CAMK1D: variants seen among roughly 807,000 people sequenced by gnomAD.
The protein encoded by CAMK1D is calcium/calmodulin-dependent protein kinase type 1D.
CAMK1D carries 9 observed loss-of-function variants against 47.7 expected under a neutral mutation model. That is an observed-to-expected ratio of 0.19 (90% CI 0.11 to 0.33). The LOEUF (loss-of-function observed/expected upper bound fraction) is 0.33. Ranked by LOEUF, CAMK1D falls within the 10% of genes least tolerant of loss-of-function variation. The pLI, the probability that CAMK1D is intolerant of heterozygous loss-of-function variation, is 1.00. For missense variants in CAMK1D, 291 were observed against 488.7 expected (o/e 0.60, Z 3.81); for synonymous variants, 184 against 184.9 (o/e 0.99, Z 0.04).
intron 3 of CAMK1D, among the ~76,000 whole-genome samples, chr10:12,694,075 AATATTATGTATAATATATAT>A (rs1833072631): frequency 3.2e-5 from 1 of 31,126 alleles, no homozygotes; most frequent in Non-Finnish European, 5.5e-5. Context: ...ATATATAAAA[AATATTATGTATAATATATAT>A]TATATAATAT....
intron 2 of CAMK1D, among the ~76,000 whole-genome samples, chr10:12,567,131 T>C (rs1168937628): frequency 2.0e-5 from 3 of 152,174 alleles, no homozygotes; most frequent in African/African-American, 7.2e-5. Context: ...TTCTCGGAAG[T>C]GCAGTGGGAA....
chr10:12,593,187 G>A (rs1838046008), intron 2 of CAMK1D, among the ~76,000 whole-genome samples: 1 of 152,180 alleles, frequency 6.6e-6, no homozygotes, highest in Non-Finnish European at 1.5e-5. Flanking sequence ...ACAAAAACAG[G>A]TGGTGGGCCA....
intron 1 of CAMK1D, among the ~76,000 whole-genome samples, chr10:12,430,190 A>G (rs1401244684): frequency 6.6e-6 from 1 of 152,018 alleles, no homozygotes; most frequent in Non-Finnish European, 1.5e-5. Flanking sequence ...CTCGTTTGGG[A>G]TTTGTGAGCA....
chr10:12,525,244 T>C (rs974748622), intron 1 of CAMK1D, among the ~76,000 whole-genome samples: 1 of 152,238 alleles, frequency 6.6e-6, no homozygotes, highest in African/African-American at 2.4e-5. Context: ...TTTGATGAAC[T>C]TCTGTAATCA....
chr10:12,828,763 C>T lies in CAMK1D; in HGVS notation c.1040-6C>T. The T allele has an allele frequency of 6.2e-7, 1 of 1,611,336 alleles. No individual in the cohort carries two copies. Among genetic ancestry groups the T allele is most frequent in the Non-Finnish European group, 8.5e-7 (1 of 1,177,748 alleles). ...CTCTGAAGCCCACTTCTGCTGTTCC[C>T]TGCAGGTCTGGCACCTTCCACGCTC... is the stretch of plus-strand genomic sequence containing the variant. On this transcript the variant is annotated splice_region_variant and splice_polypyrimidine_tract_variant and intron_variant, in intron 10 of 10. Transcript: ENST00000619168.
intron 1 of CAMK1D, among the ~76,000 whole-genome samples, chr10:12,403,405 G>T (rs577683203): frequency 6.6e-6 from 1 of 152,194 alleles, no homozygotes; most frequent in Non-Finnish European, 1.5e-5. Context: ...GTCTTTCTTG[G>T]ATAAAGGTGA....
At chr10:12,711,852 T>C (rs1286189529) in intron 3 of CAMK1D, among the ~76,000 whole-genome samples, 1 of 152,236 alleles carries the variant, frequency 6.6e-6, no homozygotes, top group African/African-American at 2.4e-5. Context: ...TTTTTCAATA[T>C]GCCATGAAAA....
At chr10:12,789,499 A>G (rs1031362551) in intron 5 of CAMK1D, among the ~76,000 whole-genome samples, 5 of 152,314 alleles carry the variant, frequency 3.3e-5, no homozygotes, top group African/African-American at 4.8e-5. Flanking sequence ...TTTCTCACCT[A>G]TCAGGTGCAC....
intron 2 of CAMK1D, among the ~76,000 whole-genome samples, chr10:12,556,811 T>G (rs1310768400): frequency 1.3e-5 from 2 of 152,094 alleles, no homozygotes; most frequent in Non-Finnish European, 2.9e-5. Context: ...GCGGCAGAAC[T>G]GAGAAGAATG....
chr10:12,770,441 A>T (rs988649559), intron 5 of CAMK1D, among the ~76,000 whole-genome samples: 1 of 152,094 alleles, frequency 6.6e-6, no homozygotes, highest in Non-Finnish European at 1.5e-5. Flanking sequence ...AATACTTGTG[A>T]TTGTTCTGAG....
In CAMK1D at chr10:12,574,876, G is replaced by A. The variant is rs533560289; in HGVS notation, c.224+21520G>A. Among the ~76,000 whole-genome samples, 22 of 152,150 alleles carry A rather than the reference G, an allele frequency of 1.4e-4. 1 individual carries two copies. The East Asian group carries it at 3.9e-3, about 27-fold the overall frequency. On this transcript the variant is annotated intron_variant, in intron 2 of 10. Coordinates refer to ENST00000619168, the MANE Select transcript of CAMK1D (RefSeq NM_153498.4). ...AGGAGCCGGAGCGTGAGTGAAGGAG[G>A]AGATGCTGCACGCTTCTAACAACCA...
chr10:12,509,322 C>T (rs1030552662), intron 1 of CAMK1D, among the ~76,000 whole-genome samples: 4 of 152,172 alleles, frequency 2.6e-5, no homozygotes, highest in African/African-American at 7.2e-5. Flanking sequence ...TTTGGCCATA[C>T]CAGTGTTTCA....
chr10:12,480,822 C>A (rs948736063), intron 1 of CAMK1D, among the ~76,000 whole-genome samples: 3 of 152,174 alleles, frequency 2.0e-5, no homozygotes, highest in African/African-American at 7.2e-5. Context: ...ATTGGATGGC[C>A]ACATGGAAAC....
chr10:12,354,700 G>A (rs3013014), intron 1 of CAMK1D, among the ~76,000 whole-genome samples: 75,260 of 151,686 alleles, frequency 0.5, 19,562 homozygotes, highest in Non-Finnish European at 0.58. Context: ...GTGAGCCGCC[G>A]CGCCCAGCCG....
chr10:12,828,706 G>C, intron 10 of CAMK1D, 63 bp from the exon 11 acceptor site: 1 of 1,351,270 alleles, frequency 7.4e-7, no homozygotes, highest in Non-Finnish European at 1.1e-6. Flanking sequence ...ACACCTGGCA[G>C]TGGGAAGCAG....
At chr10:12,620,657 A>G (rs1179552446) in intron 2 of CAMK1D, among the ~76,000 whole-genome samples, 1 of 152,154 alleles carries the variant, frequency 6.6e-6, no homozygotes, top group East Asian at 1.9e-4. Context: ...TTCTTTATAT[A>G]GTCTGAATAT....
chr10:12,534,799 C>T (rs558384122), intron 1 of CAMK1D, among the ~76,000 whole-genome samples: 2 of 152,268 alleles, frequency 1.3e-5, no homozygotes, highest in Admixed American at 1.3e-4. Flanking sequence ...ATCTTGTGGA[C>T]TGTCCTCCTC....
intron 1 of CAMK1D, among the ~76,000 whole-genome samples, chr10:12,437,894 A>G (rs1832681288): frequency 6.6e-6 from 1 of 152,086 alleles, no homozygotes; most frequent in Non-Finnish European, 1.5e-5. Context: ...CTAGAGTGTC[A>G]TGTACTTGGA....
intron 4 of CAMK1D, among the ~76,000 whole-genome samples, chr10:12,764,082 A>G (rs1480443976): frequency 6.6e-6 from 1 of 152,154 alleles, no homozygotes; most frequent in Admixed American, 6.5e-5. Flanking sequence ...GTCTTGGGCC[A>G]ATTAAAAGTA....
Sources: allele counts gnomAD v4.1 joint callset (sites outside exome capture counted in the v4.1 genomes callset), GRCh38; gene constraint gnomAD v4.1.1; transcripts MANE v1.5; gene names NCBI Gene and HGNC (gene_info 2026-07-23, HGNC 2026-07-21).